Variants in GALNT1 observed in about 807,000 individuals in gnomAD.
The protein encoded by GALNT1 is polypeptide N-acetylgalactosaminyltransferase 1, also known as GalNAc transferase 1.
Under a neutral mutation model 65.7 loss-of-function variants are expected in GALNT1, and 17 were observed. The ratio of observed to expected loss-of-function variants is 0.26; its 90% CI spans 0.18 to 0.39. The LOEUF (loss-of-function observed/expected upper bound fraction) is 0.39, where lower values mean the gene tolerates loss of function less well. GALNT1 is among the 10% of genes least tolerant of loss of function. The pLI is 1.00. For missense variants in GALNT1, 460 were observed against 672.8 expected (o/e 0.68, Z 3.50); for synonymous variants, 210 against 219.7 (o/e 0.96, Z 0.39).
In GALNT1 at chr18:35,663,803, G is replaced by GT; in HGVS notation, c.314+2dup. On this transcript the variant is annotated splice_donor_variant, in intron 3 of 11. Coordinates refer to ENST00000269195, the MANE Select transcript of GALNT1 (RefSeq NM_020474.4). LOFTEE classifies it high-confidence loss of function. ...CTTTACCAGATGTTAGGTTAGAAGG[G>GT]TAAGTACTTACTGTGGTCCTGATAG... is the stretch of plus-strand genomic sequence containing the variant. The GT allele has an allele frequency of 6.2e-7, 1 of 1,612,756 alleles. No homozygotes were observed. The highest frequency in any genetic ancestry group is 8.5e-7 in the Non-Finnish European group (1 of 1,179,478).
chr18:35,693,294 T>C (rs912070145), intron 9 of GALNT1, among the ~76,000 whole-genome samples: 2 of 152,120 alleles, frequency 1.3e-5, no homozygotes, highest in African/African-American at 4.8e-5. Context: ...AAGATGACAA[T>C]GTACTTAGCG....
At chr18:35,632,075 C>A (rs1379170034) in intron 1 of GALNT1, among the ~76,000 whole-genome samples, 2 of 152,168 alleles carry the variant, frequency 1.3e-5, no homozygotes, top group African/African-American at 2.4e-5. Flanking sequence ...GAAGAACATT[C>A]CATGCTCATG....
At chr18:35,709,160 C>T (rs895274189) in intron 11 of GALNT1, among the ~76,000 whole-genome samples, 4 of 152,184 alleles carry the variant, frequency 2.6e-5, no homozygotes, top group Middle Eastern at 3.2e-3. Context: ...ACAGAATTAA[C>T]TTGAACAGCC....
chr18:35,681,052 A>C (rs1183744995), intron 4 of GALNT1, among the ~76,000 whole-genome samples: 1 of 152,136 alleles, frequency 6.6e-6, no homozygotes, highest in African/African-American at 2.4e-5. Context: ...TAGATTCTGA[A>C]TTCTTTATTC....
chr18:35,669,743 G>A (rs2047604534), intron 3 of GALNT1, among the ~76,000 whole-genome samples: 1 of 151,880 alleles, frequency 6.6e-6, no homozygotes, highest in African/African-American at 2.4e-5. Context: ...TAATAATAAT[G>A]TTGTAAGCTT....
chr18:35,633,246 T>C (rs2047042020), intron 1 of GALNT1, among the ~76,000 whole-genome samples: 1 of 152,152 alleles, frequency 6.6e-6, no homozygotes, highest in Non-Finnish European at 1.5e-5. Flanking sequence ...CATGCACACA[T>C]ATGTTTATTG....
At chr18:35,657,107 C>T (rs1008968956) in intron 2 of GALNT1, among the ~76,000 whole-genome samples, 1 of 151,384 alleles carries the variant, frequency 6.6e-6, no homozygotes, top group African/African-American at 2.4e-5. Context: ...TTTATTTATT[C>T]ATGAATGAGA....
chr18:35,690,122 A>T (rs1184447397), intron 7 of GALNT1, among the ~76,000 whole-genome samples: 1 of 152,234 alleles, frequency 6.6e-6, no homozygotes, highest in African/African-American at 2.4e-5. Context: ...TGAGATTTTT[A>T]ACTTGGTGGG....
intron 1 of GALNT1, among the ~76,000 whole-genome samples, chr18:35,619,242 A>G (rs140592192): frequency 0.011 from 1,710 of 152,262 alleles, 16 homozygotes; most frequent in Non-Finnish European, 0.018. Flanking sequence ...ATTAGGGCCA[A>G]AAATCTAAAA....
intron 10 of GALNT1, among the ~76,000 whole-genome samples, 199 bp downstream of exon 10, chr18:35,703,194 C>T (rs181369224): frequency 6.6e-6 from 1 of 151,672 alleles, no homozygotes; most frequent in East Asian, 1.9e-4. Context: ...ATTGTGAGAA[C>T]TATGTTTACA....
intron 3 of GALNT1, among the ~76,000 whole-genome samples, chr18:35,677,354 T>A (rs2047725815): frequency 6.6e-6 from 1 of 152,242 alleles, no homozygotes; most frequent in Non-Finnish European, 1.5e-5. Context: ...CAGGAGGAAG[T>A]ACCTAATTTT....
chr18:35,642,127 T>G (rs1446561917), intron 1 of GALNT1, among the ~76,000 whole-genome samples: 1 of 152,218 alleles, frequency 6.6e-6, no homozygotes, highest in East Asian at 1.9e-4. Flanking sequence ...TACTGACCTC[T>G]TCTCTAAATA....
intron 4 of GALNT1, among the ~76,000 whole-genome samples, chr18:35,679,785 T>C (rs1434110491): frequency 1.3e-5 from 2 of 152,224 alleles, no homozygotes; most frequent in African/African-American, 4.8e-5. Context: ...TTTGGCTCCA[T>C]TGTTTAAGTC....
chr18:35,641,441 C>T (rs2047161864), intron 1 of GALNT1, among the ~76,000 whole-genome samples: 1 of 152,142 alleles, frequency 6.6e-6, no homozygotes, highest in African/African-American at 2.4e-5. Flanking sequence ...GAGACCCTGT[C>T]TCCAAAACGC....
chr18:35,695,387 T>C (rs573257188), intron 9 of GALNT1, among the ~76,000 whole-genome samples: 1 of 152,118 alleles, frequency 6.6e-6, no homozygotes, highest in Admixed American at 6.5e-5. Flanking sequence ...GTGGTGGAAG[T>C]GTGAGGACCT....
At chr18:35,628,622 CAG>C (rs1340625652) in intron 1 of GALNT1, among the ~76,000 whole-genome samples, 1 of 152,158 alleles carries the variant, frequency 6.6e-6, no homozygotes, top group Non-Finnish European at 1.5e-5. Context: ...GGGGAAAAAA[CAG>C]AGCAGAAAAA....
intron 1 of GALNT1, among the ~76,000 whole-genome samples, chr18:35,592,925 T>C (rs1189759403): frequency 6.6e-6 from 1 of 152,206 alleles, no homozygotes; most frequent in Non-Finnish European, 1.5e-5. Context: ...AAGGACCTTC[T>C]CTTACTGGTC....
At position 35,692,312 on chromosome 18, in the gene GALNT1, T is replaced by C; in HGVS notation, c.1291T>C (p.Leu431=). 6 of 1,563,742 alleles carry C rather than the reference T, an allele frequency of 3.8e-6. No homozygotes were observed. The highest frequency in any genetic ancestry group is 5.3e-6 in the Non-Finnish European group (6 of 1,140,766). The change falls in exon 9 of 12, where the codon TTG becomes CTG. Residue 431 remains leucine (L), a synonymous_variant. Transcript: ENST00000269195. ...DSQIPRHYFS[L]GEIRNVETNQ... ...TCAAATTCCACGTCACTATTTCTCA[T>C]TGGGAGAGGTAAGAAATATATATAT...
intron 9 of GALNT1, among the ~76,000 whole-genome samples, chr18:35,702,159 A>ACTT (rs1193906766): frequency 6.6e-6 from 1 of 152,100 alleles, no homozygotes; most frequent in Non-Finnish European, 1.5e-5. Context: ...TGTGGTTTTA[A>ACTT]CTTTACCCCT....
Sources: allele counts gnomAD v4.1 joint callset (sites outside exome capture counted in the v4.1 genomes callset), GRCh38; gene constraint gnomAD v4.1.1; transcripts MANE v1.5; gene names NCBI Gene and HGNC (gene_info 2026-07-23, HGNC 2026-07-21).